Variants in PRKG1 observed in about 807,000 individuals in gnomAD.
PRKG1 encodes the protein protein kinase cGMP-dependent 1, also known as cGMP-dependent protein kinase 1.
PRKG1 carries 35 observed loss-of-function variants against 88.1 expected under a neutral mutation model. That is an observed-to-expected ratio of 0.40 (90% CI 0.30 to 0.53). PRKG1 has a LOEUF of 0.53. Among genes scored for constraint, PRKG1 ranks in the 20% least tolerant of loss-of-function variants. The pLI is 0.59. For synonymous variants in PRKG1, 303 were observed against 292.5 expected (o/e 1.04, Z -0.37); for missense variants, 540 against 839.8 (o/e 0.64, Z 4.41).
intron 2 of PRKG1, among the ~76,000 whole-genome samples, chr10:51,167,773 A>G (rs1459661171): frequency 6.6e-6 from 1 of 152,164 alleles, no homozygotes; most frequent in African/African-American, 2.4e-5. Context: ...TGGTGGTACC[A>G]TTTTCTGAGA....
chr10:51,468,098 A>G (rs991580123), intron 3 of PRKG1, among the ~76,000 whole-genome samples: 1 of 151,922 alleles, frequency 6.6e-6, no homozygotes, highest in African/African-American at 2.4e-5. Context: ...TTTTTAAATC[A>G]TATAATTTTA....
intron 7 of PRKG1, among the ~76,000 whole-genome samples, chr10:52,087,228 A>G (rs1846939472): frequency 6.6e-6 from 1 of 152,210 alleles, no homozygotes; most frequent in Non-Finnish European, 1.5e-5. Flanking sequence ...ACATTTTGCC[A>G]ATTCGATGGA....
intron 4 of PRKG1, among the ~76,000 whole-genome samples, chr10:51,807,873 C>T (rs1430200992): frequency 2.0e-5 from 3 of 152,068 alleles, no homozygotes; most frequent in Non-Finnish European, 4.4e-5. Flanking sequence ...CTATGGCTTG[C>T]CTCAGGGGAG....
intron 7 of PRKG1, among the ~76,000 whole-genome samples, chr10:52,086,289 T>G (rs1846911958): frequency 6.6e-6 from 1 of 152,142 alleles, no homozygotes; most frequent in African/African-American, 2.4e-5. Context: ...TAAAAGTGAG[T>G]AGATACATGT....
chr10:52,273,809 T>C (rs1841794669), intron 12 of PRKG1, among the ~76,000 whole-genome samples: 1 of 152,148 alleles, frequency 6.6e-6, no homozygotes, highest in Non-Finnish European at 1.5e-5. Flanking sequence ...TGCTAGTTAA[T>C]ATGTACATAG....
intron 3 of PRKG1, among the ~76,000 whole-genome samples, chr10:51,693,359 A>C (rs1175414890): frequency 6.6e-6 from 1 of 150,780 alleles, no homozygotes; most frequent in Non-Finnish European, 1.5e-5. Flanking sequence ...AATAAGCACC[A>C]GGTTTGTTAT....
At chr10:51,858,053 AATATAT>A (rs1840727903) in intron 4 of PRKG1, among the ~76,000 whole-genome samples, 4 of 115,552 alleles carry the variant, frequency 3.5e-5, no homozygotes, top group Non-Finnish European at 6.9e-5. Flanking sequence ...CATAAAAGGA[AATATAT>A]ATGCATATTA....
chr10:51,537,681 T>A (rs909106234), intron 3 of PRKG1, among the ~76,000 whole-genome samples: 1 of 148,752 alleles, frequency 6.7e-6, no homozygotes, highest in Non-Finnish European at 1.5e-5. Flanking sequence ...TGAGCCAAGA[T>A]TGCACCGCTG....
chr10:52,184,861 G>A (rs1303730707), intron 9 of PRKG1: 2 of 152,062 alleles, frequency 1.3e-5, no homozygotes, highest in Non-Finnish European at 2.9e-5. Flanking sequence ...AAGTAACGGA[G>A]CAATAACTCA....
intron 5 of PRKG1, among the ~76,000 whole-genome samples, chr10:51,919,717 A>G (rs1289453484): frequency 6.6e-6 from 1 of 151,366 alleles, no homozygotes. Flanking sequence ...ATTCTACTCT[A>G]TCCTGTTTGT....
At chr10:51,325,796 C>T (rs563032153) in intron 2 of PRKG1, among the ~76,000 whole-genome samples, 2 of 152,232 alleles carry the variant, frequency 1.3e-5, no homozygotes, top group South Asian at 4.1e-4. Context: ...TCTGAGCCAA[C>T]AAGACCTGGT....
intron 5 of PRKG1, among the ~76,000 whole-genome samples, chr10:51,925,617 G>C (rs1431236309): frequency 2.6e-5 from 4 of 152,078 alleles, no homozygotes; most frequent in Admixed American, 2.6e-4. Flanking sequence ...ACTTGTTAAG[G>C]AGAACACAGA....
At chr10:52,107,819 C>A (rs1024669908) in intron 7 of PRKG1, among the ~76,000 whole-genome samples, 1 of 152,106 alleles carries the variant, frequency 6.6e-6, no homozygotes, top group Non-Finnish European at 1.5e-5. Flanking sequence ...TCCAAAAATT[C>A]TGCTACTTAC....
At chr10:51,692,904 C>T (rs372245634) in intron 3 of PRKG1, among the ~76,000 whole-genome samples, 7 of 152,058 alleles carry the variant, frequency 4.6e-5, no homozygotes, top group South Asian at 2.1e-4. Context: ...TAATTAGCTA[C>T]GTACTTTTTA....
At chr10:51,464,666 C>A (rs1239268824) in intron 2 of PRKG1, among the ~76,000 whole-genome samples, 3 of 151,560 alleles carry the variant, frequency 2.0e-5, no homozygotes, top group Non-Finnish European at 4.4e-5. Flanking sequence ...CCGAGGCGGG[C>A]GGATCACGAG....
chr10:51,862,007 G>A (rs1015433158), intron 4 of PRKG1, among the ~76,000 whole-genome samples: 6 of 152,180 alleles, frequency 3.9e-5, no homozygotes, highest in African/African-American at 1.2e-4. Flanking sequence ...TGAAGGGAAC[G>A]TGGTGGCACC....
intron 3 of PRKG1, among the ~76,000 whole-genome samples, chr10:51,481,217 C>G (rs554328052): frequency 1.1e-3 from 144 of 135,222 alleles, no homozygotes; most frequent in African/African-American, 3.5e-3. Flanking sequence ...CCTTTCGTTC[C>G]TTCCTTCCTT....
intron 7 of PRKG1, among the ~76,000 whole-genome samples, chr10:52,127,210 A>G (rs971785709): frequency 1.3e-5 from 2 of 152,122 alleles, no homozygotes; most frequent in African/African-American, 4.8e-5. Flanking sequence ...AATGAATCCA[A>G]TCTTTTGAGC....
intron 2 of PRKG1, among the ~76,000 whole-genome samples, chr10:51,296,327 A>T (rs1589327166): frequency 6.6e-6 from 1 of 152,050 alleles, no homozygotes; most frequent in African/African-American, 2.4e-5. Flanking sequence ...TTTTTGAGAC[A>T]CTTTTGATTA....
Sources: allele counts gnomAD v4.1 joint callset (sites outside exome capture counted in the v4.1 genomes callset), GRCh38; gene constraint gnomAD v4.1.1; transcripts MANE v1.5; gene names NCBI Gene and HGNC (gene_info 2026-07-23, HGNC 2026-07-21).